The following MRPS28 variants were observed in gnomAD, a reference collection of about 807,000 sequenced individuals.
MRPS28 encodes small ribosomal subunit protein bS1m.
In MRPS28, 7 loss-of-function variants were observed where a neutral mutation model predicts 10.8. The ratio of observed to expected loss-of-function variants is 0.65; its 90% CI spans 0.37 to 1.22. MRPS28 has a LOEUF of 1.22. Ranked by LOEUF, MRPS28 falls within the 50% of genes most tolerant of loss-of-function variation. MRPS28 has a pLI of 0.02. For synonymous variants in MRPS28, 121 were observed against 93.3 expected, an observed-to-expected ratio of 1.30 and a Z score of -1.71; for missense variants, 265 against 232.9, an observed-to-expected ratio of 1.14 and a Z score of -0.90.
At chr8:80,029,880 G>A in intron 1 of MRPS28, 156 bp downstream of exon 1, 3 of 1,536,250 alleles carry the variant, frequency 2.0e-6, no homozygotes, top group South Asian at 1.2e-5. Flanking sequence ...AGATTCTAGG[G>A]GCCGAGGGCT....
chr8:79,926,266 A>C (rs992014946), intron 2 of MRPS28, among the ~76,000 whole-genome samples: 1 of 152,192 alleles, frequency 6.6e-6, no homozygotes, highest in East Asian at 1.9e-4. Context: ...TACGTTTTGG[A>C]GTATGCAATT....
At chr8:79,945,113 C>T (rs1485119113) in intron 2 of MRPS28, among the ~76,000 whole-genome samples, 1 of 152,048 alleles carries the variant, frequency 6.6e-6, no homozygotes, top group Non-Finnish European at 1.5e-5. Context: ...ACTTTACATG[C>T]AATACATAAA....
At chr8:79,923,551 T>C (rs554100405) in intron 2 of MRPS28, among the ~76,000 whole-genome samples, 159 of 152,256 alleles carry the variant, frequency 1.0e-3, no homozygotes, top group Middle Eastern at 6.8e-3. Flanking sequence ...TTTTTTTAAT[T>C]GGGGAAAAAG....
At chr8:79,949,580 T>C (rs527371182) in intron 2 of MRPS28, among the ~76,000 whole-genome samples, 3 of 152,340 alleles carry the variant, frequency 2.0e-5, no homozygotes, top group Non-Finnish European at 1.5e-5. Flanking sequence ...AGAACTTGCA[T>C]TCTACCTTTC....
rs774003466 is a variant in MRPS28, at chr8:80,003,099, GT to G, written c.294del (p.Lys98AsnfsTer17). On this transcript the variant is annotated frameshift_variant, in exon 2 of 3. Transcript: ENST00000276585. LOFTEE classifies it high-confidence loss of function. ...ATATGAAAGATCCGTCCAATGACCAGTTTATCCTTTGCAGGTCCCATCTGTG... is the reference window on the plus strand; with the variant it reads ...ATATGAAAGATCCGTCCAATGACCAGTTATCCTTTGCAGGTCCCATCTGTG... ...PLTQMGPAKD[K>X]LVIGRIFHIV... The G allele has an allele frequency of 5.0e-6, 8 of 1,613,636 alleles. No homozygotes were observed. In the Admixed American group the frequency reaches 1.3e-4, roughly 27 times the overall value.
intron 2 of MRPS28, among the ~76,000 whole-genome samples, chr8:79,997,143 T>C (rs1411727301): frequency 6.6e-6 from 1 of 152,192 alleles, no homozygotes; most frequent in Admixed American, 6.5e-5. Context: ...GTGAAATTGT[T>C]TGCTGCATTA....
At chr8:80,013,282 T>G (rs542338571) in intron 1 of MRPS28, among the ~76,000 whole-genome samples, 4 of 152,104 alleles carry the variant, frequency 2.6e-5, no homozygotes, top group Non-Finnish European at 5.9e-5. Flanking sequence ...AAGGATTTTA[T>G]AAAACAATAC....
intron 2 of MRPS28, among the ~76,000 whole-genome samples, chr8:79,945,914 T>C (rs1806902768): frequency 6.6e-6 from 1 of 152,186 alleles, no homozygotes; most frequent in Non-Finnish European, 1.5e-5. Flanking sequence ...GTTGTTATTC[T>C]AGATACTAAC....
At chr8:80,028,832 G>A (rs1054337396) in intron 1 of MRPS28, 3 of 154,216 alleles carry the variant, frequency 1.9e-5, no homozygotes, top group Non-Finnish European at 4.4e-5. Flanking sequence ...TTAGCCCAGA[G>A]TGGTGGTGCA....
At chr8:79,986,810 T>C (rs1808195124) in intron 2 of MRPS28, among the ~76,000 whole-genome samples, 1 of 152,018 alleles carries the variant, frequency 6.6e-6, no homozygotes, top group Non-Finnish European at 1.5e-5. Flanking sequence ...TCCATGCTCA[T>C]GGGTAGGAAG....
chr8:80,018,218 G>A (rs1457165774), intron 1 of MRPS28, among the ~76,000 whole-genome samples: 1 of 133,418 alleles, frequency 7.5e-6, no homozygotes, highest in Non-Finnish European at 1.5e-5. Flanking sequence ...GCATGAACCC[G>A]GAAGGAGGCA....
chr8:80,024,394 T>C (rs1004940824), intron 1 of MRPS28, among the ~76,000 whole-genome samples: 3 of 152,148 alleles, frequency 2.0e-5, no homozygotes, highest in African/African-American at 7.2e-5. Flanking sequence ...AACAATGGCA[T>C]TACACTTAAT....
At chr8:80,010,384 C>T (rs1809004588) in intron 1 of MRPS28, among the ~76,000 whole-genome samples, 1 of 152,164 alleles carries the variant, frequency 6.6e-6, no homozygotes, top group Non-Finnish European at 1.5e-5. Flanking sequence ...AGCACATTTA[C>T]TTTTAAAGCT....
chr8:80,005,709 G>C (rs1299882351), intron 1 of MRPS28, among the ~76,000 whole-genome samples: 4 of 152,140 alleles, frequency 2.6e-5, no homozygotes, highest in African/African-American at 4.8e-5. Context: ...AAAGAGTCAA[G>C]ACCCATCAGT....
chr8:79,994,413 A>G (rs1400149865), intron 2 of MRPS28, among the ~76,000 whole-genome samples: 3 of 152,156 alleles, frequency 2.0e-5, no homozygotes, highest in Non-Finnish European at 2.9e-5. Context: ...AATAATATCA[A>G]TAACACACTC....
intron 1 of MRPS28, among the ~76,000 whole-genome samples, chr8:80,022,137 C>A (rs901227531): frequency 6.6e-6 from 1 of 152,160 alleles, no homozygotes; most frequent in Non-Finnish European, 1.5e-5. Flanking sequence ...GACCTGTTCT[C>A]CATCTCTATA....
intron 2 of MRPS28, among the ~76,000 whole-genome samples, chr8:79,996,553 T>C (rs1808506029): frequency 6.6e-6 from 1 of 152,184 alleles, no homozygotes; most frequent in Non-Finnish European, 1.5e-5. Context: ...AGTTCACTAA[T>C]CCCACTCACG....
chr8:79,973,553 A>G (rs1267791159), intron 2 of MRPS28, among the ~76,000 whole-genome samples: 1 of 152,194 alleles, frequency 6.6e-6, no homozygotes, highest in Non-Finnish European at 1.5e-5. Flanking sequence ...CCTGGCCTCA[A>G]CAGATCTTCC....
chr8:80,022,726 A>T (rs1289209840), intron 1 of MRPS28, among the ~76,000 whole-genome samples: 1 of 152,234 alleles, frequency 6.6e-6, no homozygotes, highest in Non-Finnish European at 1.5e-5. Flanking sequence ...GCCAATAGAT[A>T]AAAAACTTAA....
Sources: allele counts gnomAD v4.1 joint callset (sites outside exome capture counted in the v4.1 genomes callset), GRCh38; gene constraint gnomAD v4.1.1; transcripts MANE v1.5; gene names NCBI Gene and HGNC (gene_info 2026-07-23, HGNC 2026-07-21).